The following BTRC variants were observed in gnomAD, a reference collection of about 807,000 sequenced individuals.
The protein encoded by BTRC is F-box/WD repeat-containing protein 1A.
A neutral mutation model predicts 85.5 loss-of-function variants in BTRC; 42 were observed. That is an observed-to-expected ratio of 0.49 (90% CI 0.38 to 0.64). The LOEUF is 0.64. Ranked by LOEUF, BTRC falls within the 30% of genes least tolerant of loss-of-function variation. The probability of loss-of-function intolerance (pLI) is 0.00; values close to 1 mark genes in which losing one functional copy is unlikely to be tolerated. For synonymous variants in BTRC, 255 were observed against 263.3 expected (o/e 0.97, Z 0.30); for missense variants, 594 against 743.5 (o/e 0.80, Z 2.34).
chr10:101,453,070 ATC>A (rs1212019881), intron 2 of BTRC, among the ~76,000 whole-genome samples: 2 of 152,232 alleles, frequency 1.3e-5, no homozygotes, highest in Non-Finnish European at 2.9e-5. Flanking sequence ...TAGCTAAAAT[ATC>A]TGTTAACCTT....
intron 1 of BTRC, among the ~76,000 whole-genome samples, chr10:101,357,819 GA>G (rs963101130): frequency 5.9e-5 from 9 of 152,116 alleles, no homozygotes; most frequent in Non-Finnish European, 1.3e-4. Context: ...TTTTACTTGT[GA>G]AAAAAGTTTA....
At chr10:101,401,211 T>C (rs113239655) in intron 1 of BTRC, among the ~76,000 whole-genome samples, 1 of 152,204 alleles carries the variant, frequency 6.6e-6, no homozygotes, top group African/African-American at 2.4e-5. Context: ...TAAGTACAGG[T>C]ATAGGTGATT....
At chr10:101,506,440 A>T (rs866450799) in intron 4 of BTRC, among the ~76,000 whole-genome samples, 3 of 152,138 alleles carry the variant, frequency 2.0e-5, no homozygotes, top group Middle Eastern at 3.2e-3. Context: ...TAGAGTGTTC[A>T]GTCTGATAGA....
chr10:101,370,665 G>A (rs1030620520), intron 1 of BTRC, among the ~76,000 whole-genome samples: 1 of 150,814 alleles, frequency 6.6e-6, no homozygotes, highest in Non-Finnish European at 1.5e-5. Flanking sequence ...GACCTCCTGG[G>A]CTCAAGCGAT....
rs546680976 is a variant in BTRC, at chr10:101,370,403, C to T, written c.48+16175C>T. On this transcript the variant is annotated intron_variant, in intron 1 of 14. Coordinates refer to ENST00000370187, the MANE Select transcript of BTRC (RefSeq NM_033637.4). ...TGCTGGTATTACAGGTGTGAGCCAT[C>T]GGGCCCGCCCCTTCTTCCTTATCCT... 3.3e-5 allele frequency among the ~76,000 whole-genome samples: 5 copies of T among 152,032 alleles called. No homozygotes were observed. The South Asian group carries it at 6.2e-4, about 19-fold the overall frequency.
chr10:101,395,683 A>G (rs889114399), intron 1 of BTRC, among the ~76,000 whole-genome samples: 19 of 152,128 alleles, frequency 1.2e-4, no homozygotes, highest in African/African-American at 4.3e-4. Flanking sequence ...GGTTTGATTA[A>G]TAAATTATAT....
intron 4 of BTRC, among the ~76,000 whole-genome samples, chr10:101,500,897 T>C (rs969464486): frequency 1.3e-5 from 2 of 152,150 alleles, no homozygotes; most frequent in Non-Finnish European, 2.9e-5. Context: ...TGAAAAATGT[T>C]TTTTAAAATT....
intron 1 of BTRC, among the ~76,000 whole-genome samples, chr10:101,382,052 A>G (rs531843345): frequency 1.8e-4 from 23 of 127,798 alleles, no homozygotes; most frequent in Non-Finnish European, 3.4e-4. Flanking sequence ...GCGTGATCTC[A>G]GCTCACTGCA....
At chr10:101,391,119 A>G (rs1243745537) in intron 1 of BTRC, among the ~76,000 whole-genome samples, 3 of 152,148 alleles carry the variant, frequency 2.0e-5, no homozygotes, top group Admixed American at 1.3e-4. Flanking sequence ...TTTTAAAACA[A>G]CTTGTACAGG....
intron 1 of BTRC, among the ~76,000 whole-genome samples, chr10:101,369,511 CTCT>C (rs1942572291): frequency 6.6e-6 from 1 of 152,148 alleles, no homozygotes; most frequent in African/African-American, 2.4e-5. Context: ...ATACTCCAGG[CTCT>C]TCTTATACTT....
chr10:101,511,718 C>G (rs1441064451), intron 4 of BTRC, among the ~76,000 whole-genome samples: 2 of 152,138 alleles, frequency 1.3e-5, no homozygotes, highest in African/African-American at 2.4e-5. Context: ...GACAGGATTT[C>G]GCTATGTATG....
intron 1 of BTRC, among the ~76,000 whole-genome samples, chr10:101,380,395 A>C (rs1942898126): frequency 6.6e-6 from 1 of 152,276 alleles, no homozygotes; most frequent in Middle Eastern, 3.4e-3. Flanking sequence ...TTTAATTAAA[A>C]AGTAAACTTT....
intron 13 of BTRC, 145 bp from the exon 14 acceptor site, chr10:101,550,554 T>C: frequency 1.4e-6 from 1 of 735,396 alleles, no homozygotes; most frequent in Admixed American, 2.6e-5. Flanking sequence ...AGTGCTGGGA[T>C]TACAGGTGTG....
intron 1 of BTRC, among the ~76,000 whole-genome samples, chr10:101,420,166 G>C (rs1399554491): frequency 6.6e-6 from 1 of 151,984 alleles, no homozygotes; most frequent in Non-Finnish European, 1.5e-5. Flanking sequence ...GTTCAGCAAT[G>C]TAATATTCAT....
chr10:101,501,271 A>G (rs1268307748), intron 4 of BTRC, among the ~76,000 whole-genome samples: 2 of 152,136 alleles, frequency 1.3e-5, no homozygotes, highest in East Asian at 3.8e-4. Flanking sequence ...CTCTATTTTT[A>G]AATTTATGTA....
chr10:101,473,072 G>A (rs1471490506), intron 3 of BTRC, among the ~76,000 whole-genome samples: 1 of 151,352 alleles, frequency 6.6e-6, no homozygotes, highest in African/African-American at 2.4e-5. Context: ...CCCTTCCTTG[G>A]ACTCCAGCCA....
intron 2 of BTRC, among the ~76,000 whole-genome samples, chr10:101,432,887 TTGACC>T (rs1944437904): frequency 6.6e-6 from 1 of 152,064 alleles, no homozygotes; most frequent in African/African-American, 2.4e-5. Flanking sequence ...AACCATGAAA[TTGACC>T]TGAGCCTTTG....
At chr10:101,548,467 A>G (rs1007194104) in intron 13 of BTRC, among the ~76,000 whole-genome samples, 34 of 152,240 alleles carry the variant, frequency 2.2e-4, no homozygotes, top group Non-Finnish European at 2.9e-5. Context: ...GAAGCCAGGC[A>G]TGAGCTGGGC....
intron 3 of BTRC, among the ~76,000 whole-genome samples, chr10:101,465,397 A>G (rs902222463): frequency 1.3e-5 from 2 of 152,234 alleles, no homozygotes; most frequent in Non-Finnish European, 2.9e-5. Context: ...TTGGAGAGCT[A>G]TTTAAATATT....
Sources: allele counts gnomAD v4.1 joint callset (sites outside exome capture counted in the v4.1 genomes callset), GRCh38; gene constraint gnomAD v4.1.1; transcripts MANE v1.5; gene names NCBI Gene and HGNC (gene_info 2026-07-23, HGNC 2026-07-21).